ALDH1A3: variants seen among roughly 807,000 people sequenced by gnomAD.
The protein encoded by ALDH1A3 is aldehyde dehydrogenase 1 family member A3.
Under a neutral mutation model 57.5 loss-of-function variants are expected in ALDH1A3, and 28 were observed. That is an observed-to-expected ratio of 0.49 (90% CI 0.36 to 0.67). The LOEUF (loss-of-function observed/expected upper bound fraction) is 0.67, where lower values mean the gene tolerates loss of function less well. Ranked by LOEUF, ALDH1A3 falls within the 30% of genes least tolerant of loss-of-function variation. The pLI, the probability that ALDH1A3 is intolerant of heterozygous loss-of-function variation, is 0.00. For missense variants in ALDH1A3, 507 were observed against 669.4 expected (o/e 0.76, Z 2.68); for synonymous variants, 281 against 264.8 (o/e 1.06, Z -0.59).
chr15:100,898,723 AGGCCT>A (rs1266440367), intron 8 of ALDH1A3, among the ~76,000 whole-genome samples: 9 of 152,240 alleles, frequency 5.9e-5, no homozygotes, highest in Admixed American at 2.0e-4. Context: ...GCCTGGTTCT[AGGCCT>A]GCACCCCTGC....
At chr15:100,898,856 C>T (rs117250769) in intron 8 of ALDH1A3, among the ~76,000 whole-genome samples, 1,694 of 152,320 alleles carry the variant, frequency 0.011, 36 homozygotes, top group East Asian at 0.027. Flanking sequence ...GAAGGAAGGG[C>T]TGGCCGGGCA....
At chr15:100,898,412 C>T (rs1201854961) in intron 8 of ALDH1A3, among the ~76,000 whole-genome samples, 7 of 152,228 alleles carry the variant, frequency 4.6e-5, no homozygotes, top group Non-Finnish European at 8.8e-5. Context: ...ACTGCCAAAA[C>T]GATATGGCTT....
rs1159976353 is a variant in ALDH1A3 at position 100,915,275 on chromosome 15, G to A, written c.*502G>A. ...ACCATTCCTTGGGAAAGGATTCACAGTAAGGTTTTTTGGTTTTTGTTTTTT... is the reference window on the plus strand; with the variant it reads ...ACCATTCCTTGGGAAAGGATTCACAATAAGGTTTTTTGGTTTTTGTTTTTT... On this transcript the variant is annotated 3_prime_UTR_variant, in exon 13 of 13. Coordinates refer to ENST00000329841, the MANE Select transcript of ALDH1A3 (RefSeq NM_000693.4). 1 of 152,564 alleles carries A rather than the reference G, an allele frequency of 6.6e-6. No individual in the cohort carries two copies. Among genetic ancestry groups the A allele is most frequent in the East Asian group, 1.9e-4 (1 of 5,218 alleles). The allele number at this position is 152,564 out of a possible 1,614,324, so 9.5% of individuals were successfully genotyped here.
intron 7 of ALDH1A3, among the ~76,000 whole-genome samples, chr15:100,897,312 C>G (rs987553496): frequency 6.6e-6 from 1 of 151,892 alleles, no homozygotes. Context: ...TCTAGGCCTC[C>G]GTGTCTGCAC....
At position 100,903,242 on chromosome 15, in the gene ALDH1A3, T is replaced by A. The variant is rs181255973; in HGVS notation, c.1069-2281T>A. ...CATGTTTCCCTCTAGAATGTTTTCG[T>A]GTGCATGCAAGCAGATGAATGCAAG... On this transcript the variant is annotated intron_variant, in intron 9 of 12. Transcript: ENST00000329841. Among the ~76,000 whole-genome samples the A allele has an allele frequency of 2.0e-3, 304 of 151,114 alleles. 2 individuals are homozygous for A. The highest frequency in any genetic ancestry group is 2.8e-3 in the Non-Finnish European group (193 of 67,764).
chr15:100,897,658 C>G (rs568909295), intron 7 of ALDH1A3, among the ~76,000 whole-genome samples: 2 of 152,264 alleles, frequency 1.3e-5, no homozygotes, highest in African/African-American at 2.4e-5. Context: ...GAACCACCCC[C>G]CTACTGGGCT....
chr15:100,911,330 G>A (rs866304318), intron 12 of ALDH1A3, among the ~76,000 whole-genome samples: 1 of 152,226 alleles, frequency 6.6e-6, no homozygotes, highest in African/African-American at 2.4e-5. Flanking sequence ...AGCTGTTTCT[G>A]TGCGGGTCTC....
rs2041820908 is a variant in ALDH1A3, at chr15:100,906,235, G to A, written c.1233+548G>A. 6.6e-6 allele frequency among the ~76,000 whole-genome samples: 1 copy of A among 152,218 alleles called. No individual in the cohort carries two copies. The highest frequency in any genetic ancestry group is 2.1e-4 in the South Asian group (1 of 4,832). ...GAGACTCCCCCACTCCCATAAGAGT[G>A]TAAATCTTTCTCTTTCAACTCCACT... On this transcript the variant is annotated intron_variant, in intron 10 of 12. Transcript: ENST00000329841. The surrounding 1 kb of genome is among the most constrained non-coding windows in gnomAD (Gnocchi z 4.8).
intron 1 of ALDH1A3, chr15:100,880,256 C>G (rs906353733): frequency 3.1e-5 from 12 of 388,584 alleles, no homozygotes; most frequent in Non-Finnish European, 5.0e-5. Context: ...AGCGCCCGCG[C>G]GGGGCCGGGC....
At chr15:100,904,920 C>T (rs1404011612) in intron 9 of ALDH1A3, among the ~76,000 whole-genome samples, 2 of 152,132 alleles carry the variant, frequency 1.3e-5, no homozygotes, top group Non-Finnish European at 2.9e-5. Context: ...CTTTTCTTCT[C>T]GCTTCTCTGC....
intron 6 of ALDH1A3, chr15:100,895,449 C>CAA (rs796542093): frequency 2.4e-4 from 32 of 131,900 alleles, no homozygotes; most frequent in South Asian, 4.7e-4. Flanking sequence ...GACTCCATCT[C>CAA]AAAAAAAAAA....
At chr15:100,911,671 G>A (rs1169101193) in intron 12 of ALDH1A3, among the ~76,000 whole-genome samples, 11 of 152,244 alleles carry the variant, frequency 7.2e-5, no homozygotes, top group Non-Finnish European at 1.5e-4. Flanking sequence ...CTCCTGGATA[G>A]CTTTGAACTG....
At position 100,914,508 on chromosome 15, in the gene ALDH1A3, T is replaced by A. The variant is rs920380372; in HGVS notation, c.1467-193T>A. The A allele has an allele frequency of 5.7e-6, 3 of 522,994 alleles. No individual in the cohort carries two copies. The Admixed American group carries it at 9.5e-5, about 17-fold the overall frequency. The allele number at this position is 522,994 out of a possible 1,614,324, so 32.4% of individuals were successfully genotyped here. On this transcript the variant is annotated intron_variant, in intron 12 of 12. Coordinates refer to ENST00000329841, the MANE Select transcript of ALDH1A3 (RefSeq NM_000693.4). ...AGAAGAAGACCTTGATATTTACATT[T>A]AAGTCACATATGCAGCTACTGACAC...
Position 100,893,968 on chromosome 15 carries a change from G to A in ALDH1A3, c.552G>A (p.Leu184=), listed in dbSNP as rs2041676403. ...CTCTGTCGCAGTGGAACTTCCCCCT[G>A]CTGATGCTGGTGTGGAAGCTGGCAC... The part of the protein sequence containing the change: ...CGAITPWNFP[L]LMLVWKLAPA... The change falls in exon 6 of 13, where the codon CTG becomes CTA. Residue 184 remains leucine, a synonymous_variant. Transcript: ENST00000329841. The surrounding 1 kb of genome is among the most constrained non-coding windows in gnomAD (Gnocchi z 4.8). 2.5e-6 allele frequency: 4 copies of A among 1,614,150 alleles called. No individual in the cohort carries two copies. Among genetic ancestry groups the A allele is most frequent in the Non-Finnish European group, 3.4e-6 (4 of 1,180,010 alleles).
Position 100,893,739 on chromosome 15 carries a change from T to A in ALDH1A3, c.538-215T>A. The stretch of plus-strand genomic sequence containing the variant: ...AGGTAGAACACATGCAACAGCATCC[T>A]CTTTGCAAAGGCTGCCTATTAGTAC... On this transcript the variant is annotated intron_variant, in intron 5 of 12. Transcript: ENST00000329841. The surrounding 1 kb of genome is among the most constrained non-coding windows in gnomAD (Gnocchi z 4.8). 1 of 520,902 alleles carries A rather than the reference T, an allele frequency of 1.9e-6. No individual in the cohort carries two copies. Among genetic ancestry groups the A allele is most frequent in the Non-Finnish European group, 3.3e-6 (1 of 304,608 alleles). 32.3% of individuals were successfully genotyped at this position (520,902 alleles called of 1,614,324 possible).
At chr15:100,902,618 C>T (rs890299631) in intron 9 of ALDH1A3, among the ~76,000 whole-genome samples, 2 of 152,216 alleles carry the variant, frequency 1.3e-5, no homozygotes, top group Admixed American at 6.5e-5. Flanking sequence ...CGGCAGCGTC[C>T]TCCGGGCAGA....
At chr15:100,900,893 T>C in intron 9 of ALDH1A3, 134 bp downstream of exon 9, 2 of 985,148 alleles carry the variant, frequency 2.0e-6, no homozygotes, top group Non-Finnish European at 2.9e-6. Flanking sequence ...CTTTCTTTTC[T>C]TTAGAAACTG....
intron 7 of ALDH1A3, among the ~76,000 whole-genome samples, chr15:100,896,427 C>A (rs199946378): frequency 2.7e-5 from 4 of 150,532 alleles, no homozygotes; most frequent in African/African-American, 7.3e-5. Context: ...AAAAAAAAAA[C>A]CAAACTGAAT....
Position 100,895,986 on chromosome 15 carries a change from G to A in ALDH1A3, c.720G>A (p.Val240=), listed in dbSNP as rs767699074. 7 of 1,613,748 alleles carry A rather than the reference G, an allele frequency of 4.3e-6. No homozygotes were observed. The highest frequency in any genetic ancestry group is 5.1e-6 in the Non-Finnish European group (6 of 1,179,870). Residue 240 remains valine, a synonymous_variant, in exon 7 of 13, where the codon GTG becomes GTA. Transcript: ENST00000329841. ...VNIVPGFGPT[V]GAAISSHPQI... is the part of the protein sequence containing the mutation. ...TTGTGCCAGGATTCGGGCCCACAGT[G>A]GGAGCAGCAATTTCTTCTCACCCTC...
Sources: gnomAD v4.1 joint callset for allele counts (sites outside exome capture counted in the v4.1 genomes callset) on GRCh38, gnomAD v4.1.1 for gene constraint, Gnocchi (gnomAD v3.1) non-coding constraint, MANE v1.5 for transcripts, NCBI Gene and HGNC (gene_info 2026-07-23, HGNC 2026-07-21) for gene names.